Variants in SPON1 observed in about 807,000 individuals in gnomAD.
The protein encoded by SPON1 is spondin 1, also known as spondin-1.
SPON1 carries 52 observed loss-of-function variants against 111.7 expected under a neutral mutation model. The observed-to-expected ratio is 0.47, with a 90% CI of 0.37 to 0.59. The LOEUF is 0.59. Ranked by LOEUF, SPON1 falls within the 20% of genes least tolerant of loss-of-function variation. The pLI is 0.00. For missense variants in SPON1, 957 were observed against 1,068.5 expected, an observed-to-expected ratio of 0.90 and a Z score of 1.46; for synonymous variants, 410 against 395.8, an observed-to-expected ratio of 1.04 and a Z score of -0.43.
intron 3 of SPON1, among the ~76,000 whole-genome samples, chr11:14,069,272 A>G (rs1428523476): frequency 6.6e-6 from 1 of 152,148 alleles, no homozygotes; most frequent in Non-Finnish European, 1.5e-5. Flanking sequence ...TAAATGAGTT[A>G]ATATTTGTGA....
chr11:14,176,319 A>G (rs1554933077), intron 6 of SPON1, among the ~76,000 whole-genome samples: 2 of 152,032 alleles, frequency 1.3e-5, no homozygotes, highest in Non-Finnish European at 2.9e-5. Flanking sequence ...ATTCCAAACT[A>G]TCCTCCTATT....
chr11:14,171,590 T>G (rs868981995), intron 6 of SPON1, among the ~76,000 whole-genome samples: 1 of 152,358 alleles, frequency 6.6e-6, no homozygotes, highest in South Asian at 2.1e-4. Context: ...TGTTAGAGTG[T>G]CAATTTTAGA....
In SPON1 at chr11:14,262,849, C is replaced by T. The variant is rs1554942053; in HGVS notation, c.2134C>T (p.Arg712Ter). ...TGCACCCTGCCCAGAGACTGTGCAG[C>T]GAAAAAAGTGCCGCATCCGAAAATG... ...GGAPCPETVQ[R>*]KKCRIRKCLR... Residue 712 changes from arginine (R) to a stop codon, truncating the protein, a stop_gained, in exon 15 of 16, where the codon CGA becomes TGA. Transcript: ENST00000576479. LOFTEE classifies it high-confidence loss of function. The T allele has an allele frequency of 2.5e-6, 4 of 1,613,582 alleles. No individual in the cohort carries two copies. Among genetic ancestry groups the T allele is most frequent in the Non-Finnish European group, 1.7e-6 (2 of 1,179,794 alleles).
At chr11:13,989,360 T>C (rs1327979276) in intron 2 of SPON1, among the ~76,000 whole-genome samples, 2 of 152,234 alleles carry the variant, frequency 1.3e-5, no homozygotes, top group Admixed American at 6.5e-5. Flanking sequence ...TGTTCTCTGA[T>C]GGTAGTTTGT....
chr11:14,094,177 A>G (rs1316308766), intron 5 of SPON1, among the ~76,000 whole-genome samples: 1 of 149,170 alleles, frequency 6.7e-6, no homozygotes, highest in Non-Finnish European at 1.5e-5. Context: ...GTACCACTGC[A>G]CTCCAGCCTG....
chr11:14,095,425 T>TAGAC (rs1406847274), intron 5 of SPON1, among the ~76,000 whole-genome samples: 1 of 129,450 alleles, frequency 7.7e-6, no homozygotes, highest in Non-Finnish European at 1.7e-5. Context: ...GATAGATAGA[T>TAGAC]AGATAGATAG....
At chr11:14,202,561 C>G (rs1187421481) in intron 6 of SPON1, among the ~76,000 whole-genome samples, 1 of 152,196 alleles carries the variant, frequency 6.6e-6, no homozygotes, top group African/African-American at 2.4e-5. Context: ...CCACCAAAGT[C>G]AGTCTCCAGG....
intron 6 of SPON1, among the ~76,000 whole-genome samples, chr11:14,231,777 G>A (rs1848805526): frequency 6.6e-6 from 1 of 151,822 alleles, no homozygotes; most frequent in Non-Finnish European, 1.5e-5. Context: ...TTTTTTAATG[G>A]TGAATCCAAA....
intron 3 of SPON1, among the ~76,000 whole-genome samples, chr11:14,048,990 C>T (rs1473891588): frequency 6.6e-6 from 1 of 152,194 alleles, no homozygotes; most frequent in Admixed American, 6.5e-5. Flanking sequence ...ACGTAAGAGA[C>T]AAGAGCCAGG....
In SPON1 at chr11:14,131,689, C is replaced by A. The variant is rs150722157; in HGVS notation, c.677-3731C>A. Among the ~76,000 whole-genome samples the A allele has an allele frequency of 2.6e-3, 395 of 152,242 alleles. 2 individuals are homozygous for A. Among genetic ancestry groups the A allele is most frequent in the African/African-American group, 8.6e-3 (358 of 41,534 alleles). On this transcript the variant is annotated intron_variant, in intron 5 of 15. Transcript: ENST00000576479. ...TTCTCCAGCTTGGTAATTATTATTT[C>A]TATTTCTTAAAGGGAAACTGAGGCT...
intron 5 of SPON1, among the ~76,000 whole-genome samples, chr11:14,112,825 G>C (rs182754276): frequency 1.3e-5 from 2 of 152,258 alleles, no homozygotes; most frequent in African/African-American, 4.8e-5. Context: ...TCCCTTCCTT[G>C]CTCCTTCTAA....
At chr11:14,000,353 C>A (rs1554912324) in intron 2 of SPON1, among the ~76,000 whole-genome samples, 1 of 152,120 alleles carries the variant, frequency 6.6e-6, no homozygotes, top group African/African-American at 2.4e-5. Flanking sequence ...TCATTCTAAA[C>A]CCCATTTGCC....
chr11:13,995,357 A>G (rs1050314502), intron 2 of SPON1, among the ~76,000 whole-genome samples: 1 of 152,176 alleles, frequency 6.6e-6, no homozygotes, highest in Non-Finnish European at 1.5e-5. Flanking sequence ...GTAGTTTATA[A>G]ACAAAGAGGT....
At chr11:14,136,273 G>C (rs540924440) in intron 6 of SPON1, among the ~76,000 whole-genome samples, 1 of 152,314 alleles carries the variant, frequency 6.6e-6, no homozygotes, top group African/African-American at 2.4e-5. Flanking sequence ...TGGCAGTGCA[G>C]CTTTAGCCAT....
intron 2 of SPON1, among the ~76,000 whole-genome samples, chr11:13,989,269 C>T (rs545092697): frequency 6.6e-6 from 1 of 152,140 alleles, no homozygotes; most frequent in East Asian, 1.9e-4. Context: ...TTCATGGTTT[C>T]GACTTGGGAG....
chr11:14,062,900 G>C (rs1554919995), intron 3 of SPON1, among the ~76,000 whole-genome samples: 1 of 152,164 alleles, frequency 6.6e-6, no homozygotes, highest in African/African-American at 2.4e-5. Context: ...TGAGGGTCCA[G>C]CTCCAGGGAG....
intron 6 of SPON1, among the ~76,000 whole-genome samples, chr11:14,163,296 C>T (rs1847988513): frequency 1.3e-5 from 2 of 152,078 alleles, no homozygotes; most frequent in Admixed American, 1.3e-4. Context: ...CACATAGGCT[C>T]ATAGAAAGTA....
intron 3 of SPON1, among the ~76,000 whole-genome samples, chr11:14,043,189 G>T (rs187321180): frequency 1.1e-4 from 16 of 152,290 alleles, no homozygotes; most frequent in Admixed American, 3.9e-4. Context: ...GGAGTCAGCT[G>T]CCATTACTAG....
intron 6 of SPON1, among the ~76,000 whole-genome samples, chr11:14,172,994 C>T (rs1457299413): frequency 3.3e-5 from 5 of 151,688 alleles, no homozygotes; most frequent in Admixed American, 6.6e-5. Context: ...TCTCGAGGAG[C>T]ATCTTTGTGG....
Sources: gnomAD v4.1 joint callset for allele counts (sites outside exome capture counted in the v4.1 genomes callset) on GRCh38, gnomAD v4.1.1 for gene constraint, MANE v1.5 for transcripts, NCBI Gene and HGNC (gene_info 2026-07-23, HGNC 2026-07-21) for gene names.